Variants in ANO3 observed in about 807,000 individuals in gnomAD.
The protein encoded by ANO3 is anoctamin-3.
ANO3 carries 99 observed loss-of-function variants against 144.8 expected under a neutral mutation model. The observed-to-expected ratio is 0.68, with a 90% CI of 0.58 to 0.81. The LOEUF (loss-of-function observed/expected upper bound fraction) is 0.81. Ranked by LOEUF, ANO3 falls within the 30% of genes least tolerant of loss-of-function variation. ANO3 has a pLI of 0.00. For missense variants in ANO3, 905 were observed against 1,202.2 expected (o/e 0.75, Z 3.66); for synonymous variants, 414 against 392.6 (o/e 1.05, Z -0.64).
At chr11:26,289,724 T>C (rs1339633813) in intron 1 of ANO3, among the ~76,000 whole-genome samples, 2 of 143,248 alleles carry the variant, frequency 1.4e-5, no homozygotes, top group African/African-American at 5.3e-5. Context: ...TATGTGTATA[T>C]ATATTCTATA....
In ANO3 at chr11:26,660,273, T is replaced by G; in HGVS notation, c.2775T>G (p.Phe925Leu). The G allele has an allele frequency of 1.2e-6, 2 of 1,612,046 alleles. No homozygotes were observed. Among genetic ancestry groups the G allele is most frequent in the Admixed American group, 1.7e-5 (1 of 59,650 alleles). Residue 925 changes from phenylalanine to leucine, a missense_variant, in exon 27 of 27, where the codon TTT becomes TTG. By Grantham distance (22) the Phe-to-Leu change is conservative. Around this residue, in one of 4 missense-constraint regions of ANO3, gnomAD observed 597 missense variants for 865.1 expected, o/e 0.69. Coordinates refer to ENST00000256737, the MANE Select transcript of ANO3 (RefSeq NM_031418.4). Reference protein sequence around the residue: ...AFIIVFEHLVFGIKSFIAYLI... With the variant: ...AFIIVFEHLVLGIKSFIAYLI... ...ATTTAAATTTGCAGCACCTTGTTTT[T>G]GGGATTAAGTCATTCATCGCATACC... is the stretch of plus-strand genomic sequence containing the variant.
intron 1 of ANO3, among the ~76,000 whole-genome samples, chr11:26,213,983 G>T (rs1851987833): frequency 6.6e-6 from 1 of 151,910 alleles, no homozygotes; most frequent in Non-Finnish European, 1.5e-5. Context: ...TTTCTATTCA[G>T]ACTACTGTAG....
chr11:26,347,755 G>T (rs1376802824), intron 1 of ANO3, among the ~76,000 whole-genome samples: 1 of 152,064 alleles, frequency 6.6e-6, no homozygotes, highest in Non-Finnish European at 1.5e-5. Flanking sequence ...TTACAGGAAG[G>T]CAAAAAAGTT....
At chr11:26,582,595 A>G (rs1851163647) in intron 14 of ANO3, among the ~76,000 whole-genome samples, 1 of 152,172 alleles carries the variant, frequency 6.6e-6, no homozygotes, top group South Asian at 2.1e-4. Flanking sequence ...CATACTTCTG[A>G]GTATCAGCAA....
intron 4 of ANO3, among the ~76,000 whole-genome samples, chr11:26,485,053 A>G (rs533093863): frequency 6.6e-6 from 1 of 152,262 alleles, no homozygotes; most frequent in African/African-American, 2.4e-5. Context: ...ACAGGCTCAT[A>G]GGTGGAAGGA....
At chr11:26,190,026 T>C (rs558781802) in intron 1 of ANO3, among the ~76,000 whole-genome samples, 1 of 152,290 alleles carries the variant, frequency 6.6e-6, no homozygotes, top group South Asian at 2.1e-4. Context: ...GTGAATTAAT[T>C]GTGCTTTGTA....
chr11:26,608,426 G>A (rs186007065), intron 17 of ANO3, among the ~76,000 whole-genome samples: 27 of 152,270 alleles, frequency 1.8e-4, no homozygotes, highest in Admixed American at 3.3e-4. Context: ...TGGGTGGCAC[G>A]GAGTACAGGG....
intron 26 of ANO3, among the ~76,000 whole-genome samples, chr11:26,657,245 C>T (rs1045049463): frequency 1.3e-5 from 2 of 152,072 alleles, no homozygotes; most frequent in Non-Finnish European, 2.9e-5. Context: ...CTCAACTGAT[C>T]TCCAAAAAGT....
chr11:26,293,959 G>A (rs751930071), intron 1 of ANO3, among the ~76,000 whole-genome samples: 72 of 152,096 alleles, frequency 4.7e-4, no homozygotes, highest in African/African-American at 1.5e-3. Flanking sequence ...TAGTTTTGTC[G>A]CTTTTTTGCA....
chr11:26,357,707 TTTTTC>T (rs1855819081), intron 1 of ANO3, among the ~76,000 whole-genome samples: 2 of 152,128 alleles, frequency 1.3e-5, no homozygotes, highest in South Asian at 4.1e-4. Flanking sequence ...GAAGTAGAAT[TTTTTC>T]TTTTCTTTTA....
At chr11:26,329,812 ATTT>A (rs34683057), upstream of ANO3, among the ~76,000 whole-genome samples, 11,306 of 139,396 alleles carry the variant, frequency 0.081, 493 homozygotes, top group Non-Finnish European at 0.11. Flanking sequence ...AGGGACTTAA[ATTT>A]TTTTTTTTTT....
chr11:26,549,285 G>T (rs552924778), intron 12 of ANO3, among the ~76,000 whole-genome samples: 46 of 151,988 alleles, frequency 3.0e-4, no homozygotes, highest in Non-Finnish European at 5.9e-4. Flanking sequence ...TCCCACTTCT[G>T]TCACACTATA....
At chr11:26,660,057 ATTCT>A (rs1366416614) in intron 26 of ANO3, among the ~76,000 whole-genome samples, 1 of 152,294 alleles carries the variant, frequency 6.6e-6, no homozygotes, top group South Asian at 2.1e-4. Context: ...AGAGGAAGTA[ATTCT>A]TTGTTTTGTC....
intron 1 of ANO3, among the ~76,000 whole-genome samples, chr11:26,248,742 G>C (rs1231941501): frequency 1.3e-5 from 2 of 152,084 alleles, no homozygotes; most frequent in East Asian, 1.9e-4. Context: ...TGTTTTGCTT[G>C]TTTGTTTGTT....
chr11:26,650,011 C>T (rs947953788), intron 24 of ANO3, among the ~76,000 whole-genome samples: 1 of 152,244 alleles, frequency 6.6e-6, no homozygotes, highest in Admixed American at 6.5e-5. Context: ...GTATCTAGCA[C>T]TCTGCGTTTA....
intron 10 of ANO3, among the ~76,000 whole-genome samples, chr11:26,541,091 A>G (rs991602435): frequency 2.6e-5 from 4 of 152,216 alleles, no homozygotes; most frequent in Non-Finnish European, 4.4e-5. Context: ...TGTGACACAT[A>G]TACACCATGG....
chr11:26,441,106 G>GTT (rs1022676698), intron 1 of ANO3, among the ~76,000 whole-genome samples: 1,116 of 86,522 alleles, frequency 0.013, 168 homozygotes, highest in African/African-American at 0.036. Flanking sequence ...TTGCTGCCCA[G>GTT]TTTTTTTTTT....
At chr11:26,607,843 T>A (rs1031928391) in intron 17 of ANO3, among the ~76,000 whole-genome samples, 2 of 152,220 alleles carry the variant, frequency 1.3e-5, no homozygotes, top group South Asian at 4.1e-4. Flanking sequence ...TCTAACCTTT[T>A]ACCAAGGTTC....
At chr11:26,283,248 T>C (rs2133846102) in intron 1 of ANO3, among the ~76,000 whole-genome samples, 1 of 145,852 alleles carries the variant, frequency 6.9e-6, no homozygotes, top group Admixed American at 7.1e-5. Flanking sequence ...TACTCTCTAA[T>C]CCTCTTTGAA....
Sources: gnomAD v4.1 joint callset for allele counts (sites outside exome capture counted in the v4.1 genomes callset) on GRCh38, gnomAD v4.1.1 for gene constraint, gnomAD v4.1.1 regional missense constraint, MANE v1.5 for transcripts, NCBI Gene and HGNC (gene_info 2026-07-23, HGNC 2026-07-21) for gene names.